The following FAM184B variants were observed in gnomAD, a reference collection of about 807,000 sequenced individuals.
The protein encoded by FAM184B is family with sequence similarity 184 member B.
Under a neutral mutation model 135.9 loss-of-function variants are expected in FAM184B, and 111 were observed. The ratio of observed to expected loss-of-function variants is 0.82; its 90% CI spans 0.70 to 0.96. FAM184B has a LOEUF of 0.96. FAM184B is among the 40% of genes least tolerant of loss of function. The pLI is 0.00. For missense variants in FAM184B, 1,375 were observed against 1,323.9 expected (o/e 1.04, Z -0.60); for synonymous variants, 552 against 524.8 (o/e 1.05, Z -0.71).
chr4:17,636,225 C>G (rs1237035239), intron 15 of FAM184B, among the ~76,000 whole-genome samples: 2 of 152,122 alleles, frequency 1.3e-5, no homozygotes, highest in Non-Finnish European at 2.9e-5. Context: ...CCTGCCTCAG[C>G]CTTCCTAGAA....
rs1719029520 is a variant in FAM184B at position 17,781,349 on chromosome 4, C to G, written c.-50G>C. On this transcript the variant is annotated 5_prime_UTR_variant, in exon 1 of 18. Transcript: ENST00000265018. This position sits in a 1 kb window ranked among gnomAD's most constrained non-coding sequence, Gnocchi z 6.5. ...ACTCTCTCGTTTTCTCCCTGCCCAC[C>G]GTGTGCACGTGCGTGCGCGCGCGGG... 1.4e-6 allele frequency: 2 copies of G among 1,444,598 alleles called. No individual in the cohort carries two copies. The highest frequency in any genetic ancestry group is 5.6e-5 in the East Asian group (2 of 35,492). 89.5% of individuals were successfully genotyped at this position (1,444,598 alleles called of 1,614,324 possible).
At chr4:17,731,064 T>G (rs1051158028) in intron 1 of FAM184B, among the ~76,000 whole-genome samples, 19 of 152,198 alleles carry the variant, frequency 1.2e-4, no homozygotes, top group African/African-American at 4.6e-4. Context: ...GAATTTCATA[T>G]CCAGCCGAAC....
intron 1 of FAM184B, among the ~76,000 whole-genome samples, chr4:17,764,483 T>C (rs1174531873): frequency 4.6e-5 from 7 of 152,206 alleles, no homozygotes; most frequent in Admixed American, 3.3e-4. Context: ...GTATGCCTTA[T>C]TGGTAGGAGT....
chr4:17,712,141 G>A (rs1717290042), intron 1 of FAM184B, among the ~76,000 whole-genome samples: 1 of 152,170 alleles, frequency 6.6e-6, no homozygotes, highest in Non-Finnish European at 1.5e-5. Flanking sequence ...TGGAGTTGGA[G>A]TTTTATTTGG....
At chr4:17,722,509 G>A (rs1055676280) in intron 1 of FAM184B, among the ~76,000 whole-genome samples, 1 of 152,210 alleles carries the variant, frequency 6.6e-6, no homozygotes, top group African/African-American at 2.4e-5. Context: ...GCTGTTGCTA[G>A]GCACCTAGCT....
At chr4:17,720,304 C>A (rs1299481420) in intron 1 of FAM184B, among the ~76,000 whole-genome samples, 1 of 152,154 alleles carries the variant, frequency 6.6e-6, no homozygotes, top group Non-Finnish European at 1.5e-5. Flanking sequence ...CCTGCTCTTC[C>A]CACAATATTC....
chr4:17,756,119 T>C (rs773968911), intron 1 of FAM184B, among the ~76,000 whole-genome samples: 1 of 152,048 alleles, frequency 6.6e-6, no homozygotes, highest in Non-Finnish European at 1.5e-5. Context: ...ACACCTTCAG[T>C]GTATAAATTG....
At chr4:17,636,755 A>T in intron 14 of FAM184B, 110 bp from the exon 15 acceptor site, 1 of 917,310 alleles carries the variant, frequency 1.1e-6, no homozygotes, top group South Asian at 1.7e-5. Flanking sequence ...CCGGCCAGGG[A>T]GGCCCAGATA....
intron 16 of FAM184B, 80 bp from the exon 17 acceptor site, chr4:17,633,968 C>T: frequency 1.8e-6 from 2 of 1,138,146 alleles, no homozygotes; most frequent in Non-Finnish European, 1.2e-6. Flanking sequence ...AAATAATGCT[C>T]ACCCAATCAA....
At position 17,708,738 on chromosome 4, in the gene FAM184B, G is replaced by T. The variant is rs537474891; in HGVS notation, c.894+154C>A. On this transcript the variant is annotated intron_variant, in intron 2 of 17. Transcript: ENST00000265018. ...TCTGTGTGTGTGTGTGTGTGTGTGT[G>T]TGTGTAATGAATGTAGGTGAATTCA... 1.2e-4 allele frequency among the ~76,000 whole-genome samples: 16 copies of T among 134,062 alleles called. No individual in the cohort carries two copies. The South Asian group carries it at 3.6e-3, about 30-fold the overall frequency. 87.9% of individuals were successfully genotyped at this position (134,062 alleles called of 152,430 possible).
chr4:17,771,449 A>C (rs1195850235), intron 1 of FAM184B, among the ~76,000 whole-genome samples: 1 of 152,210 alleles, frequency 6.6e-6, no homozygotes, highest in Non-Finnish European at 1.5e-5. Flanking sequence ...TTACACAATG[A>C]ATCACATCGC....
chr4:17,680,936 A>G (rs1402924569), intron 7 of FAM184B, among the ~76,000 whole-genome samples: 1 of 152,248 alleles, frequency 6.6e-6, no homozygotes, highest in Non-Finnish European at 1.5e-5. Flanking sequence ...CAATCTTTCA[A>G]AAGTAGCATT....
chr4:17,666,305 CTTTT>C (rs71167320), intron 7 of FAM184B, among the ~76,000 whole-genome samples: 1 of 131,276 alleles, frequency 7.6e-6, no homozygotes. Context: ...CCCTGGAATT[CTTTT>C]TTTTTTTTTT....
chr4:17,768,827 G>A (rs1426314834), intron 1 of FAM184B, among the ~76,000 whole-genome samples: 6 of 148,858 alleles, frequency 4.0e-5, no homozygotes, highest in Admixed American at 2.7e-4. Flanking sequence ...TTTTTGAGAT[G>A]GAGTTTTGCT....
intron 5 of FAM184B, among the ~76,000 whole-genome samples, chr4:17,694,390 G>A (rs559260685): frequency 1.3e-5 from 2 of 152,140 alleles, no homozygotes; most frequent in African/African-American, 4.8e-5. Flanking sequence ...AGGTGTGGTG[G>A]TGGGTGCCTG....
At chr4:17,664,736 G>T in intron 7 of FAM184B, 77 bp from the exon 8 acceptor site, 5 of 1,240,342 alleles carry the variant, frequency 4.0e-6, no homozygotes, top group Non-Finnish European at 5.6e-6. Flanking sequence ...TCAACCTGTG[G>T]CTTATTCAAA....
At chr4:17,642,748 C>T (rs531306357) in intron 12 of FAM184B, among the ~76,000 whole-genome samples, 22 of 152,206 alleles carry the variant, frequency 1.4e-4, no homozygotes, top group African/African-American at 4.8e-4. Context: ...TTCATCTTTC[C>T]AACCCTGTAG....
intron 7 of FAM184B, among the ~76,000 whole-genome samples, chr4:17,683,383 C>T (rs901603391): frequency 8.5e-5 from 13 of 152,170 alleles, no homozygotes; most frequent in African/African-American, 2.9e-4. Context: ...CTGTTTCCAA[C>T]ACCATACAGA....
intron 5 of FAM184B, among the ~76,000 whole-genome samples, chr4:17,699,934 A>AT (rs1404676875): frequency 6.6e-6 from 1 of 152,184 alleles, no homozygotes; most frequent in East Asian, 1.9e-4. Flanking sequence ...AAAGGGTGAA[A>AT]TGAAAATGTA....
Sources: allele counts gnomAD v4.1 joint callset (sites outside exome capture counted in the v4.1 genomes callset), GRCh38; gene constraint gnomAD v4.1.1; non-coding constraint Gnocchi (gnomAD v3.1); transcripts MANE v1.5; gene names NCBI Gene and HGNC (gene_info 2026-07-23, HGNC 2026-07-21).